The following SLC14A2 variants were observed in gnomAD, a reference collection of about 807,000 sequenced individuals.
SLC14A2 encodes the protein solute carrier family 14 member 2.
Under a neutral mutation model 104.6 loss-of-function variants are expected in SLC14A2, and 91 were observed. That is an observed-to-expected ratio of 0.87 (90% CI 0.73 to 1.04). The LOEUF (loss-of-function observed/expected upper bound fraction) is 1.04. SLC14A2 is among the 50% of genes least tolerant of loss of function. The pLI, the probability that SLC14A2 is intolerant of heterozygous loss-of-function variation, is 0.00. For missense variants in SLC14A2, 1,189 were observed against 1,156.0 expected, an observed-to-expected ratio of 1.03 and a Z score of -0.41; for synonymous variants, 476 against 466.4, an observed-to-expected ratio of 1.02 and a Z score of -0.27.
chr18:45,306,285 G>A (rs2085020254), intron 1 of SLC14A2, among the ~76,000 whole-genome samples: 1 of 152,038 alleles, frequency 6.6e-6, no homozygotes, highest in African/African-American at 2.4e-5. Flanking sequence ...TAAAACTAAG[G>A]GCCATAAAGG....
chr18:45,284,041 A>G (rs2084789447), intron 1 of SLC14A2, among the ~76,000 whole-genome samples: 2 of 152,250 alleles, frequency 1.3e-5, no homozygotes, highest in Non-Finnish European at 1.5e-5. Context: ...TGGATGAAAT[A>G]AAATGTATTA....
At chr18:45,190,768 G>C in the SLC14A2 span, among the ~76,000 whole-genome samples, 5,554 of 152,166 alleles carry the variant, frequency 0.036, 156 homozygotes, top group South Asian at 0.066. Flanking sequence ...TCATTTAATT[G>C]ATCAACCAAA....
At chr18:45,673,860 T>C (rs557599740) in intron 18 of SLC14A2, 43 bp downstream of exon 18, 1 of 1,589,840 alleles carries the variant, frequency 6.3e-7, no homozygotes, top group African/African-American at 1.3e-5. Flanking sequence ...TATAAAAGGC[T>C]TTTTACATAA....
intron 1 of SLC14A2, among the ~76,000 whole-genome samples, chr18:45,300,957 A>C (rs1373784116): frequency 6.6e-6 from 1 of 152,192 alleles, no homozygotes; most frequent in East Asian, 1.9e-4. Flanking sequence ...CACAGGAGAC[A>C]CTGCCTGACT....
intron 1 of SLC14A2, among the ~76,000 whole-genome samples, chr18:45,331,169 G>A (rs1016027460): frequency 2.0e-5 from 3 of 152,256 alleles, no homozygotes; most frequent in African/African-American, 4.8e-5. Flanking sequence ...TCAGGCATCC[G>A]TCTTTAGAAT....
intron 1 of SLC14A2, among the ~76,000 whole-genome samples, chr18:45,313,092 A>T (rs1444907825): frequency 2.0e-5 from 3 of 152,202 alleles, no homozygotes; most frequent in South Asian, 2.1e-4. Context: ...AAGTTTAATG[A>T]TGTCCTTGGT....
chr18:45,633,718 A>C (rs1312946048), intron 5 of SLC14A2, among the ~76,000 whole-genome samples: 2 of 152,268 alleles, frequency 1.3e-5, no homozygotes. Flanking sequence ...TAACATCTCT[A>C]AGAAGTAAAT....
chr18:45,578,179 G>A (rs570376602), intron 2 of SLC14A2, among the ~76,000 whole-genome samples: 22 of 152,136 alleles, frequency 1.4e-4, no homozygotes, highest in Admixed American at 9.2e-4. Context: ...CTTTCTCCAG[G>A]AGCCCCTTTC....
At chr18:45,507,685 T>C (rs2043306846) in intron 2 of SLC14A2, among the ~76,000 whole-genome samples, 1 of 152,124 alleles carries the variant, frequency 6.6e-6, no homozygotes, top group African/African-American at 2.4e-5. Flanking sequence ...GCAGAGGAGC[T>C]TCTGCTGCCG....
intron 1 of SLC14A2, among the ~76,000 whole-genome samples, chr18:45,444,178 G>A (rs1171203393): frequency 6.6e-6 from 1 of 152,220 alleles, no homozygotes; most frequent in Non-Finnish European, 1.5e-5. Context: ...TGGAAGCCCT[G>A]TTCTAAGGTT....
intron 1 of SLC14A2, among the ~76,000 whole-genome samples, chr18:45,254,455 T>A (rs750389742): frequency 1.3e-5 from 2 of 152,200 alleles, no homozygotes; most frequent in Non-Finnish European, 2.9e-5. Context: ...GCTGAGATGC[T>A]GAAAATTTGG....
the SLC14A2 span, among the ~76,000 whole-genome samples, chr18:45,204,805 TGA>T: frequency 6.0e-5 from 7 of 117,100 alleles, no homozygotes; most frequent in African/African-American, 2.3e-4. Flanking sequence ...AACCTATCAC[TGA>T]GATAAAAAAA....
intron 10 of SLC14A2, among the ~76,000 whole-genome samples, chr18:45,654,560 C>T (rs1347115620): frequency 6.6e-6 from 1 of 152,132 alleles, no homozygotes; most frequent in Admixed American, 6.5e-5. Context: ...CTGTTTCTTC[C>T]TTCTGTTGAA....
intron 6 of SLC14A2, 94 bp downstream of exon 6, chr18:45,637,276 T>C (rs2045434236): frequency 4.2e-6 from 4 of 942,872 alleles, no homozygotes; most frequent in South Asian, 3.2e-5. Context: ...TCTCAACTTC[T>C]CTAGAAACAT....
chr18:45,440,859 ACTTTGAGTC>A (rs541423812), intron 1 of SLC14A2, among the ~76,000 whole-genome samples: 133 of 152,336 alleles, frequency 8.7e-4, no homozygotes, highest in East Asian at 1.2e-3. Flanking sequence ...GAATTGAGAC[ACTTTGAGTC>A]CTTAGGTCTC....
At chr18:45,537,485 G>A (rs1187368023) in intron 2 of SLC14A2, among the ~76,000 whole-genome samples, 3 of 152,190 alleles carry the variant, frequency 2.0e-5, no homozygotes, top group Non-Finnish European at 2.9e-5. Flanking sequence ...CCCTAAAGTG[G>A]CAGTGTGCTG....
chr18:45,403,200 T>C (rs1212401463), intron 1 of SLC14A2, among the ~76,000 whole-genome samples: 3 of 152,164 alleles, frequency 2.0e-5, no homozygotes, highest in African/African-American at 7.2e-5. Context: ...TGAGGAGAGA[T>C]AGATCTTTGG....
In SLC14A2 at chr18:45,582,299, A is replaced by G. The variant is rs73953209; in HGVS notation, c.-34-42332A>G. 1.9e-3 allele frequency among the ~76,000 whole-genome samples: 284 copies of G among 152,300 alleles called. 2 individuals carry two copies. Among genetic ancestry groups the G allele is most frequent in the African/African-American group, 6.8e-3 (281 of 41,560 alleles). On this transcript the variant is annotated intron_variant, in intron 2 of 20. Coordinates refer to the SLC14A2 transcript ENST00000586448. ...GATTGAGATGGCCTGTTACAAATTA[A>G]TAAAATGATATTGGGCTAGAGATGC...
chr18:45,284,763 G>A (rs1164141164), intron 1 of SLC14A2, among the ~76,000 whole-genome samples: 1 of 152,164 alleles, frequency 6.6e-6, no homozygotes, highest in African/African-American at 2.4e-5. Flanking sequence ...AATACAAAAC[G>A]AGGGTCTGGG....
Sources: gnomAD v4.1 joint callset for allele counts (sites outside exome capture counted in the v4.1 genomes callset) on GRCh38, gnomAD v4.1.1 for gene constraint, MANE v1.5 for transcripts, NCBI Gene and HGNC (gene_info 2026-07-23, HGNC 2026-07-21) for gene names.